PPP2R5E: variants seen among roughly 807,000 people sequenced by gnomAD.
PPP2R5E encodes protein phosphatase 2 regulatory subunit B'epsilon, also known as serine/threonine-protein phosphatase 2A 56 kDa regulatory subunit epsilon isoform.
Under a neutral mutation model 65.3 loss-of-function variants are expected in PPP2R5E, and 4 were observed. The observed-to-expected ratio is 0.06, with a 90% CI of 0.03 to 0.14. The LOEUF is 0.14. PPP2R5E is among the 10% of genes least tolerant of loss of function. The pLI, the probability that PPP2R5E is intolerant of heterozygous loss-of-function variation, is 1.00. For missense variants in PPP2R5E, 274 were observed against 556.1 expected, an observed-to-expected ratio of 0.49 and a Z score of 5.10; for synonymous variants, 183 against 187.4, an observed-to-expected ratio of 0.98 and a Z score of 0.19.
At chr14:63,516,947 T>G (rs1405165249) in intron 2 of PPP2R5E, among the ~76,000 whole-genome samples, 2 of 152,100 alleles carry the variant, frequency 1.3e-5, no homozygotes, top group Non-Finnish European at 2.9e-5. Flanking sequence ...GCTTAAACAA[T>G]TTAGTCTATG....
intron 2 of PPP2R5E, among the ~76,000 whole-genome samples, chr14:63,510,370 C>G (rs951135218): frequency 2.0e-5 from 3 of 152,218 alleles, no homozygotes; most frequent in Admixed American, 1.3e-4. Flanking sequence ...TGGGGATAAA[C>G]AGCAAACAAA....
At chr14:63,463,726 A>G (rs1889624926) in intron 2 of PPP2R5E, among the ~76,000 whole-genome samples, 1 of 151,348 alleles carries the variant, frequency 6.6e-6, no homozygotes, top group South Asian at 2.1e-4. Context: ...CCTCCCGAGT[A>G]GCTGGGAATA....
intron 3 of PPP2R5E, among the ~76,000 whole-genome samples, chr14:63,437,762 T>C (rs1306846677): frequency 2.6e-5 from 4 of 152,204 alleles, no homozygotes; most frequent in East Asian, 3.9e-4. Flanking sequence ...CTGAAAAGTA[T>C]AGAAACATCA....
At chr14:63,395,382 GGAGAA>G in intron 6 of PPP2R5E, 97 bp from the exon 7 acceptor site, 1 of 646,640 alleles carries the variant, frequency 1.5e-6, no homozygotes, top group Non-Finnish European at 2.6e-6. Flanking sequence ...GGGAGGAGGA[GGAGAA>G]GAGGAGGAGG....
At position 63,443,311 on chromosome 14, in the gene PPP2R5E, A is replaced by G. The variant is rs529613486; in HGVS notation, c.354+10378T>C. 2.0e-5 allele frequency among the ~76,000 whole-genome samples: 3 copies of G among 152,334 alleles called. No homozygotes were observed. In the East Asian group the frequency reaches 5.8e-4, roughly 29 times the overall value. On this transcript the variant is annotated intron_variant, in intron 3 of 13. Transcript: ENST00000337537. ...AATTACATATTCTACCATTTGAGGT[A>G]TAAGCAGAGATTGAGAATTGAAGCA...
chr14:63,376,796 G>C (rs1884008564), intron 13 of PPP2R5E, among the ~76,000 whole-genome samples: 1 of 152,182 alleles, frequency 6.6e-6, no homozygotes, highest in South Asian at 2.1e-4. Flanking sequence ...TATATTGTAA[G>C]TTATATAAAT....
At chr14:63,504,309 C>CGG (rs1318652758) in intron 2 of PPP2R5E, among the ~76,000 whole-genome samples, 2 of 152,090 alleles carry the variant, frequency 1.3e-5, no homozygotes, top group African/African-American at 4.8e-5. Context: ...TGGCCAGGCA[C>CGG]GGTGGCTCAC....
chr14:63,400,311 T>C (rs538740817), intron 5 of PPP2R5E, among the ~76,000 whole-genome samples: 1 of 152,338 alleles, frequency 6.6e-6, no homozygotes, highest in African/African-American at 2.4e-5. Flanking sequence ...GGATGTTGTA[T>C]AAATACACAG....
intron 5 of PPP2R5E, among the ~76,000 whole-genome samples, chr14:63,407,664 G>A (rs1016633192): frequency 1.3e-5 from 2 of 152,146 alleles, no homozygotes; most frequent in African/African-American, 4.8e-5. Context: ...TTTCAAAATT[G>A]TTAATGCATA....
chr14:63,410,386 G>C (rs1192738637), intron 5 of PPP2R5E, among the ~76,000 whole-genome samples: 1 of 152,166 alleles, frequency 6.6e-6, no homozygotes, highest in Non-Finnish European at 1.5e-5. Context: ...AAGGACAAGC[G>C]GGGGTGTGAA....
intron 3 of PPP2R5E, among the ~76,000 whole-genome samples, chr14:63,450,941 G>A (rs1888791102): frequency 6.6e-6 from 1 of 152,048 alleles, no homozygotes; most frequent in Admixed American, 6.6e-5. Flanking sequence ...AGGTGAGGGA[G>A]TGGGGAATAC....
chr14:63,541,230 CTTCT>C (rs1893892337), intron 1 of PPP2R5E, among the ~76,000 whole-genome samples: 1 of 152,166 alleles, frequency 6.6e-6, no homozygotes, highest in Admixed American at 6.5e-5. Context: ...TCAAATAAGT[CTTCT>C]TTTTGAATGA....
chr14:63,482,525 T>A lies in PPP2R5E; in HGVS notation c.158-28640A>T, dbSNP rs911888892. On this transcript the variant is annotated intron_variant, in intron 2 of 13. Coordinates refer to ENST00000337537, the MANE Select transcript of PPP2R5E (RefSeq NM_006246.5). ...CGCGTGATTTTAGCCTCTATTTAGA[T>A]GGTATTCTGAAAACATGACCTTTGG... Among the ~76,000 whole-genome samples the A allele has an allele frequency of 2.0e-5, 3 of 152,128 alleles. No homozygotes were observed. In the South Asian group the frequency reaches 6.2e-4, roughly 32 times the overall value.
chr14:63,482,237 G>A (rs1388902698), intron 2 of PPP2R5E, among the ~76,000 whole-genome samples: 1 of 152,182 alleles, frequency 6.6e-6, no homozygotes, highest in African/African-American at 2.4e-5. Context: ...GGCTGAGGTG[G>A]GCAGATCACC....
intron 3 of PPP2R5E, among the ~76,000 whole-genome samples, chr14:63,422,373 G>A (rs1391426215): frequency 2.0e-5 from 3 of 152,072 alleles, no homozygotes; most frequent in African/African-American, 7.2e-5. Flanking sequence ...TCCCATCAAA[G>A]CCTGCTCTTG....
chr14:63,396,530 T>C (rs1400701768), intron 6 of PPP2R5E, 56 bp downstream of exon 6: 1 of 1,583,120 alleles, frequency 6.3e-7, no homozygotes, highest in Non-Finnish European at 8.6e-7. Flanking sequence ...ATTTACTTAA[T>C]ACTCATAAAA....
At chr14:63,422,817 T>C (rs142807234) in intron 3 of PPP2R5E, among the ~76,000 whole-genome samples, 163 of 151,874 alleles carry the variant, frequency 1.1e-3, no homozygotes, top group African/African-American at 3.7e-3. Flanking sequence ...TGCAAACTTA[T>C]GGTTGAAATA....
At position 63,498,852 on chromosome 14, in the gene PPP2R5E, C is replaced by T. The variant is rs143846873; in HGVS notation, c.157+40677G>A. ...CAACTTCATATACCTCTCCAGCATTCGTGGCCCAAAATTAGAAACCACTGG... is the reference window on the plus strand; with the variant it reads ...CAACTTCATATACCTCTCCAGCATTTGTGGCCCAAAATTAGAAACCACTGG... On this transcript the variant is annotated intron_variant, in intron 2 of 13. Coordinates refer to ENST00000337537, the MANE Select transcript of PPP2R5E (RefSeq NM_006246.5). Among the ~76,000 whole-genome samples, 640 of 152,054 alleles carry T rather than the reference C, an allele frequency of 4.2e-3. 7 individuals carry two copies. The highest frequency in any genetic ancestry group is 0.014 in the African/African-American group (600 of 41,446).
chr14:63,406,555 G>T (rs113526863), intron 5 of PPP2R5E, among the ~76,000 whole-genome samples: 1 of 152,198 alleles, frequency 6.6e-6, no homozygotes, highest in African/African-American at 2.4e-5. Context: ...ACTGGGAGCG[G>T]ATTGGCAGCA....
Sources: allele counts gnomAD v4.1 joint callset (sites outside exome capture counted in the v4.1 genomes callset), GRCh38; gene constraint gnomAD v4.1.1; transcripts MANE v1.5; gene names NCBI Gene and HGNC (gene_info 2026-07-23, HGNC 2026-07-21).